Variants in AKAP6 observed in about 807,000 individuals in gnomAD.
The protein encoded by AKAP6 is A-kinase anchor protein 6.
A neutral mutation model predicts 188.5 loss-of-function variants in AKAP6; 58 were observed. The observed-to-expected ratio is 0.31, with a 90% CI of 0.25 to 0.38. The LOEUF is 0.38. AKAP6 is among the 10% of genes least tolerant of loss of function. The pLI, the probability that AKAP6 is intolerant of heterozygous loss-of-function variation, is 1.00. For synonymous variants in AKAP6, 989 were observed against 998.6 expected (o/e 0.99, Z 0.18); for missense variants, 2,710 against 2,740.0 (o/e 0.99, Z 0.24).
intron 12 of AKAP6, among the ~76,000 whole-genome samples, chr14:32,799,832 G>A (rs940057147): frequency 6.6e-5 from 10 of 151,916 alleles, no homozygotes; most frequent in African/African-American, 2.4e-4. Flanking sequence ...ATCAAGTCAA[G>A]TGATAATGCT....
At position 32,773,675 on chromosome 14, in the gene AKAP6, C is replaced by G. The variant is rs1415174758; in HGVS notation, c.3373-3C>G. 1 of 1,613,280 alleles carries G rather than the reference C, an allele frequency of 6.2e-7. No individual in the cohort carries two copies. The highest frequency in any genetic ancestry group is 1.1e-5 in the South Asian group (1 of 90,980). The stretch of plus-strand genomic sequence containing the variant: ...CATAGATTGGTTTCTCTCTATGTTG[C>G]AGTCCCTCTGTCGTGAAATCAAGCA... On this transcript the variant is annotated splice_polypyrimidine_tract_variant and splice_region_variant and intron_variant, in intron 11 of 13. Coordinates refer to ENST00000280979, the MANE Select transcript of AKAP6 (RefSeq NM_004274.5).
In AKAP6 at chr14:32,545,663, C is replaced by G; in HGVS notation, c.1010C>G (p.Ala337Gly). The G allele has an allele frequency of 6.2e-7, 1 of 1,614,068 alleles. No individual in the cohort carries two copies. Among genetic ancestry groups the G allele is most frequent in the African/African-American group, 1.3e-5 (1 of 75,002 alleles). ...SSSGEALTNA[A>G]QPSSETVQQE... is the part of the protein sequence containing the mutation. ...TCAGGAGAAGCTCTGACAAATGCTG[C>G]TCAACCCTCCTCTGAGACTGTGCAG... is the stretch of plus-strand genomic sequence containing the variant. The change falls in exon 4 of 14, where the codon GCT becomes GGT. Residue 337 changes from alanine (A) to glycine (G), a missense_variant. Coordinates refer to ENST00000280979, the MANE Select transcript of AKAP6 (RefSeq NM_004274.5).
chr14:32,657,277 A>T (rs1888493122), intron 7 of AKAP6, among the ~76,000 whole-genome samples: 1 of 152,178 alleles, frequency 6.6e-6, no homozygotes, highest in South Asian at 2.1e-4. Context: ...ATGCTGACTC[A>T]TGCTGACCCT....
At chr14:32,467,382 G>A (rs1016104420) in intron 2 of AKAP6, among the ~76,000 whole-genome samples, 7 of 151,970 alleles carry the variant, frequency 4.6e-5, no homozygotes, top group Non-Finnish European at 8.8e-5. Flanking sequence ...GTTATTGCTG[G>A]GTGTTGGGTA....
intron 5 of AKAP6, among the ~76,000 whole-genome samples, chr14:32,581,510 C>T (rs1884964651): frequency 6.6e-6 from 1 of 151,998 alleles, no homozygotes; most frequent in South Asian, 2.1e-4. Flanking sequence ...TCTATTAGGT[C>T]CGCTTGGTGC....
intron 2 of AKAP6, among the ~76,000 whole-genome samples, chr14:32,499,328 C>CAAAAAAAAAAAAA (rs71432061): frequency 5.4e-5 from 6 of 111,052 alleles, no homozygotes; most frequent in East Asian, 2.7e-4. Context: ...AGTGTAACAG[C>CAAAAAAAAAAAAA]AAAAAAAAAA....
chr14:32,559,067 T>G (rs1883814590), intron 4 of AKAP6, among the ~76,000 whole-genome samples: 1 of 152,226 alleles, frequency 6.6e-6, no homozygotes, highest in Non-Finnish European at 1.5e-5. Flanking sequence ...GGACTTTGAA[T>G]TCCAAGTGTT....
intron 12 of AKAP6, among the ~76,000 whole-genome samples, chr14:32,814,781 T>A (rs2034335791): frequency 6.6e-6 from 1 of 152,180 alleles, no homozygotes; most frequent in African/African-American, 2.4e-5. Flanking sequence ...CAGGCTGGAA[T>A]GCAGTGGTAC....
At chr14:32,715,451 C>T (rs60975933) in intron 9 of AKAP6, among the ~76,000 whole-genome samples, 1,542 of 149,228 alleles carry the variant, frequency 0.01, 17 homozygotes, top group African/African-American at 0.035. Flanking sequence ...AAAAGCAAAA[C>T]GAAAAAACAT....
At chr14:32,608,026 G>A (rs111588186) in intron 7 of AKAP6, among the ~76,000 whole-genome samples, 2,177 of 152,242 alleles carry the variant, frequency 0.014, 45 homozygotes, top group African/African-American at 0.047. Flanking sequence ...GAATCCAATA[G>A]AAAATAGTTT....
chr14:32,768,910 G>A (rs1006213734), intron 11 of AKAP6, among the ~76,000 whole-genome samples: 21 of 152,128 alleles, frequency 1.4e-4, no homozygotes, highest in South Asian at 1.0e-3. Flanking sequence ...ACTGCTTGGC[G>A]TGGGCACCGT....
intron 1 of AKAP6, among the ~76,000 whole-genome samples, chr14:32,426,061 T>C (rs568073099): frequency 7.1e-4 from 108 of 152,346 alleles, no homozygotes; most frequent in Non-Finnish European, 1.2e-3. Context: ...ATCTTCTGCA[T>C]ATGGCTAGCC....
intron 11 of AKAP6, among the ~76,000 whole-genome samples, chr14:32,739,880 A>G (rs2031598298): frequency 6.6e-6 from 1 of 151,950 alleles, no homozygotes; most frequent in South Asian, 2.1e-4. Flanking sequence ...TTTCTTTTGG[A>G]TATATACCTA....
Position 32,348,408 on chromosome 14 carries a change from C to CTTTT in AKAP6, c.-35+19001_-35+19004dup, listed in dbSNP as rs1235466012. The stretch of plus-strand genomic sequence containing the variant: ...TTGTCTGAATGGGGTTCTTTCTTTT[C>CTTTT]TTTTGTTTCTTTTTTTTTTTTTTTT... On this transcript the variant is annotated intron_variant, in intron 1 of 13. Coordinates refer to ENST00000280979, the MANE Select transcript of AKAP6 (RefSeq NM_004274.5). Among the ~76,000 whole-genome samples, 120 of 88,648 alleles carry CTTTT rather than the reference C, an allele frequency of 1.4e-3. 2 individuals carry two copies. Among genetic ancestry groups the CTTTT allele is most frequent in the Middle Eastern group, 6.3e-3 (1 of 160 alleles). The allele number at this position is 88,648 out of a possible 152,430, so 58.2% of individuals were successfully genotyped here.
At chr14:32,511,998 A>G (rs897578551) in intron 2 of AKAP6, among the ~76,000 whole-genome samples, 1 of 152,166 alleles carries the variant, frequency 6.6e-6, no homozygotes, top group African/African-American at 2.4e-5. Context: ...TCTCCAGCTC[A>G]GTTGTCCCTC....
chr14:32,377,741 T>G (rs1164906000), intron 1 of AKAP6, among the ~76,000 whole-genome samples: 1 of 152,218 alleles, frequency 6.6e-6, no homozygotes, highest in Non-Finnish European at 1.5e-5. Flanking sequence ...TTCAGAGGGC[T>G]CTGTAGGAGT....
chr14:32,489,443 CA>C (rs1462316690), intron 2 of AKAP6, among the ~76,000 whole-genome samples: 1 of 152,134 alleles, frequency 6.6e-6, no homozygotes, highest in Non-Finnish European at 1.5e-5. Flanking sequence ...CTCCTGGCCT[CA>C]AGCAATTCTT....
At chr14:32,379,588 T>C (rs1225102930) in intron 1 of AKAP6, among the ~76,000 whole-genome samples, 2 of 152,094 alleles carry the variant, frequency 1.3e-5, no homozygotes. Flanking sequence ...CCTTTGATCC[T>C]CTTTAATGAT....
intron 7 of AKAP6, among the ~76,000 whole-genome samples, chr14:32,604,837 T>C (rs1168466076): frequency 1.3e-5 from 2 of 152,216 alleles, no homozygotes; most frequent in African/African-American, 4.8e-5. Context: ...TTATTTACAG[T>C]TCTGGGTACA....
Sources: allele counts gnomAD v4.1 joint callset (sites outside exome capture counted in the v4.1 genomes callset), GRCh38; gene constraint gnomAD v4.1.1; transcripts MANE v1.5; gene names NCBI Gene and HGNC (gene_info 2026-07-23, HGNC 2026-07-21).